Variants in MYH2 observed in about 807,000 individuals in gnomAD.
The protein encoded by MYH2 is myosin-2.
A neutral mutation model predicts 228.1 loss-of-function variants in MYH2; 139 were observed. That is an observed-to-expected ratio of 0.61 (90% CI 0.53 to 0.70). MYH2 has a LOEUF of 0.70. Ranked by LOEUF, MYH2 falls within the 30% of genes least tolerant of loss-of-function variation. The pLI is 0.00. For missense variants in MYH2, 1,809 were observed against 2,357.5 expected (o/e 0.77, Z 4.82); for synonymous variants, 796 against 871.1 (o/e 0.91, Z 1.52).
intron 10 of MYH2, among the ~76,000 whole-genome samples, 182 bp downstream of exon 10, chr17:10,542,693 C>G (rs530194125): frequency 6.6e-6 from 1 of 152,156 alleles, no homozygotes; most frequent in East Asian, 1.9e-4. Context: ...TTCAGTTTTC[C>G]TTTTGATTTC....
chr17:10,547,678 A>C, intron 3 of MYH2, 39 bp downstream of exon 3: 1 of 1,614,062 alleles, frequency 6.2e-7, no homozygotes, highest in South Asian at 1.1e-5. Flanking sequence ...CAACAACAAA[A>C]ATCAATAAAA....
In MYH2 at chr17:10,544,094, A is replaced by G. The variant is rs545924178; in HGVS notation, c.533+6T>C. 3 of 1,614,042 alleles carry G rather than the reference A, an allele frequency of 1.9e-6. No individual in the cohort carries two copies. The highest frequency in any genetic ancestry group is 2.5e-6 in the Non-Finnish European group (3 of 1,179,988). On this transcript the variant is annotated splice_donor_region_variant and intron_variant, in intron 6 of 39. Coordinates refer to ENST00000245503, the MANE Select transcript of MYH2 (RefSeq NM_017534.6). ...GCCATGTAAAGAAAGCATAAAATCT[A>G]CTTACGTGATCAGGATTGACTGATT...
chr17:10,541,150 GA>G (rs1463705407), intron 10 of MYH2, among the ~76,000 whole-genome samples: 1 of 152,182 alleles, frequency 6.6e-6, no homozygotes, highest in Non-Finnish European at 1.5e-5. Flanking sequence ...CTTGAAAAAA[GA>G]ACAGGATAAC....
At position 10,547,703 on chromosome 17, in the gene MYH2, G is replaced by T; in HGVS notation, c.204+14C>A. On this transcript the variant is annotated intron_variant, in intron 3 of 39. Coordinates refer to ENST00000245503, the MANE Select transcript of MYH2 (RefSeq NM_017534.6). ...AATCAATAAAATGTGGCAAGCTCCT[G>T]GGATTCTACTCACCGCTCCTCCCTC... 1 of 1,614,158 alleles carries T rather than the reference G, an allele frequency of 6.2e-7. No homozygotes were observed. The highest frequency in any genetic ancestry group is 8.5e-7 in the Non-Finnish European group (1 of 1,180,012).
chr17:10,537,516 T>C lies in MYH2; in HGVS notation c.1614A>G (p.Glu538=). The C allele has an allele frequency of 6.2e-7, 1 of 1,614,210 alleles. No homozygotes were observed. Among genetic ancestry groups the C allele is most frequent in the South Asian group, 1.1e-5 (1 of 91,086 alleles). The change falls in exon 16 of 40, where the codon GAA becomes GAG. Residue 538 remains glutamate (E), a synonymous_variant. Transcript: ENST00000245503. The surrounding 1 kb of genome is among the most constrained non-coding windows in gnomAD (Gnocchi z 4.0). Reference sequence around the variant, plus strand: ...TTGCCTTAGGGAACATGCACTCCTCTTCCAGGATGGAGAAGATGCCCATAG... The same window carrying C: ...TTGCCTTAGGGAACATGCACTCCTCCTCCAGGATGGAGAAGATGCCCATAG... ...EKPMGIFSIL[E]EECMFPKATD...
At position 10,543,913 on chromosome 17, in the gene MYH2, C is replaced by G. The variant is rs2073592012; in HGVS notation, c.637G>C (p.Gly213Arg). 2.5e-6 allele frequency: 4 copies of G among 1,614,052 alleles called. No homozygotes were observed. Among genetic ancestry groups the G allele is most frequent in the Non-Finnish European group, 3.4e-6 (4 of 1,180,032 alleles). Residue 213 changes from glycine (G) to arginine (R), a missense_variant, in exon 7 of 40, where the codon GGC becomes CGC. Coordinates refer to ENST00000245503, the MANE Select transcript of MYH2 (RefSeq NM_017534.6). Reference sequence around the variant, plus strand: ...ACAATCAGACTCACCTGTATTTTGCCAGAAGTAATTTCTTCCTTCTTCTTC... The same window carrying G: ...ACAATCAGACTCACCTGTATTTTGCGAGAAGTAATTTCTTCCTTCTTCTTC... ...GEKKKEEITSGKIQGTLEDQI... is the reference protein window; with the variant it reads ...GEKKKEEITSRKIQGTLEDQI...
At chr17:10,528,627 T>C in intron 27 of MYH2, 63 bp downstream of exon 27, 1 of 1,612,436 alleles carries the variant, frequency 6.2e-7, no homozygotes, top group South Asian at 1.1e-5. Flanking sequence ...AAGTGCCCTG[T>C]GCAAACTATG....
rs754326832 is a variant in MYH2 at position 10,523,269 on chromosome 17, T to C, written c.5577+39A>G. The C allele has an allele frequency of 5.6e-6, 9 of 1,611,820 alleles. No homozygotes were observed. The African/African-American group carries it at 9.3e-5, about 17-fold the overall frequency. ...TTGCATATGAGTATTTCACATAAAC[T>C]TCGACCAGTGCTTAGCCGCTAAAAA... is the stretch of plus-strand genomic sequence containing the variant. On this transcript the variant is annotated intron_variant, in intron 38 of 39. Transcript: ENST00000245503.
chr17:10,538,500 C>T (rs1049300735), intron 14 of MYH2, among the ~76,000 whole-genome samples: 1 of 151,850 alleles, frequency 6.6e-6, no homozygotes, highest in East Asian at 1.9e-4. Context: ...AAAACATTAG[C>T]CGGGTGTGGT....
chr17:10,523,299 T>C lies in MYH2; in HGVS notation c.5577+9A>G. 6.2e-7 allele frequency: 1 copy of C among 1,614,092 alleles called. No individual in the cohort carries two copies. The highest frequency in any genetic ancestry group is 8.5e-7 in the Non-Finnish European group (1 of 1,179,894). On this transcript the variant is annotated intron_variant, in intron 38 of 39. Coordinates refer to ENST00000245503, the MANE Select transcript of MYH2 (RefSeq NM_017534.6). ...CCAGTGCTTAGCCGCTAAAAACTAC[T>C]GGCTGTACCTGGTAAGTGAGTTCCT...
rs1044631582 is a variant in MYH2 at position 10,535,424 on chromosome 17, T to C, written c.1975-59A>G. On this transcript the variant is annotated intron_variant, in intron 17 of 39. Coordinates refer to ENST00000245503, the MANE Select transcript of MYH2 (RefSeq NM_017534.6). ...CTCTAGACATGGATATGAGCAGTCA[T>C]TGGTGTCTATAAAATCAATATCTAT... is the stretch of plus-strand genomic sequence containing the variant. 5 of 1,396,462 alleles carry C rather than the reference T, an allele frequency of 3.6e-6. No individual in the cohort carries two copies. The African/African-American group carries it at 5.7e-5, about 16-fold the overall frequency. The allele number at this position is 1,396,462 out of a possible 1,614,324, so 86.5% of individuals were successfully genotyped here.
At chr17:10,526,561 A>C (rs1343092400) in intron 30 of MYH2, 38 bp downstream of exon 30, 2 of 1,613,252 alleles carry the variant, frequency 1.2e-6, no homozygotes, top group Non-Finnish European at 8.5e-7. Flanking sequence ...TTCAATATGC[A>C]AAGTTTTCTG....
rs2073389027 is a variant in MYH2 at position 10,528,939 on chromosome 17, G to A, written c.3495C>T (p.Ala1165=). 1 of 1,614,072 alleles carries A rather than the reference G, an allele frequency of 6.2e-7. No homozygotes were observed. The highest frequency in any genetic ancestry group is 8.5e-7 in the Non-Finnish European group (1 of 1,180,028). The change falls in exon 27 of 40, where the codon GCC becomes GCT. Residue 1165 remains alanine, a synonymous_variant. Coordinates refer to ENST00000245503, the MANE Select transcript of MYH2 (RefSeq NM_017534.6). ...RLEEAGGATS[A]QIEMNKKREA... ...CCCGCTTCTTGTTCATCTCAATCTG[G>A]GCTGAAGTGGCCCCACCGGCTTCTT...
intron 14 of MYH2, 28 bp downstream of exon 14, chr17:10,539,177 T>C: frequency 6.2e-7 from 1 of 1,613,832 alleles, no homozygotes; most frequent in Non-Finnish European, 8.5e-7. Flanking sequence ...TACTGTAAAA[T>C]CCTCTCACCA....
In MYH2 at chr17:10,544,081, A is replaced by T. The variant is rs752762468; in HGVS notation, c.533+19T>A. On this transcript the variant is annotated intron_variant, in intron 6 of 39. Coordinates refer to ENST00000245503, the MANE Select transcript of MYH2 (RefSeq NM_017534.6). ...AGCAGCTATCACAGCCATGTAAAGAAAGCATAAAATCTACTTACGTGATCA... is the reference window on the plus strand; with the variant it reads ...AGCAGCTATCACAGCCATGTAAAGATAGCATAAAATCTACTTACGTGATCA... The T allele has an allele frequency of 2.5e-6, 4 of 1,614,028 alleles. No individual in the cohort carries two copies. In the African/African-American group the frequency reaches 5.3e-5, roughly 22 times the overall value.
intron 16 of MYH2, among the ~76,000 whole-genome samples, chr17:10,536,876 T>C (rs1412836779): frequency 6.6e-6 from 1 of 152,326 alleles, no homozygotes; most frequent in South Asian, 2.1e-4. Context: ...ACTTCAAAAA[T>C]CATCAATAGA....
At position 10,525,882 on chromosome 17, in the gene MYH2, A is replaced by G; in HGVS notation, c.4188-6T>C. 6.2e-7 allele frequency: 1 copy of G among 1,613,886 alleles called. No individual in the cohort carries two copies. Among genetic ancestry groups the G allele is most frequent in the Non-Finnish European group, 8.5e-7 (1 of 1,179,810 alleles). On this transcript the variant is annotated splice_polypyrimidine_tract_variant and splice_region_variant and intron_variant, in intron 30 of 39. Transcript: ENST00000245503. This position sits in a 1 kb window ranked among gnomAD's most constrained non-coding sequence, Gnocchi z 4.2. ...GCCGCTGGGCCAGCTTCTTCCTTGA[A>G]TATTATACATGTTTTCAGAGAGAAG...
At chr17:10,531,244 G>A (rs575565077) in intron 22 of MYH2, among the ~76,000 whole-genome samples, 2 of 152,120 alleles carry the variant, frequency 1.3e-5, no homozygotes, top group Non-Finnish European at 2.9e-5. Context: ...TTTAAGACCC[G>A]TGGACATCTA....
chr17:10,526,623 C>T lies in MYH2; in HGVS notation c.4163G>A (p.Arg1388His), dbSNP rs745754711. The T allele has an allele frequency of 1.3e-5, 21 of 1,613,878 alleles. No homozygotes were observed. Among genetic ancestry groups the T allele is most frequent in the Middle Eastern group, 1.6e-4 (1 of 6,078 alleles). The change falls in exon 30 of 40, where the codon CGC becomes CAC. Residue 1388 changes from arginine (R) to histidine (H), a missense_variant. By Grantham distance (29) the Arg-to-His change is conservative. This residue lies in a region of MYH2 where 636 missense variants were observed against 729.9 expected (regional missense o/e 0.87). Transcript: ENST00000245503. Reference protein sequence around the residue: ...RTKYETDAIQRTEELEEAKKK... With the variant: ...RTKYETDAIQHTEELEEAKKK... The stretch of plus-strand genomic sequence containing the variant: ...CTTGGCCTCCTCCAGCTCCTCTGTG[C>T]GCTGGATGGCGTCCGTCTCGTATTT...
Sources: allele counts gnomAD v4.1 joint callset (sites outside exome capture counted in the v4.1 genomes callset), GRCh38; gene constraint gnomAD v4.1.1; regional missense constraint gnomAD v4.1.1; non-coding constraint Gnocchi (gnomAD v3.1); transcripts MANE v1.5; gene names NCBI Gene and HGNC (gene_info 2026-07-23, HGNC 2026-07-21).